Variants in VGLL4 observed in about 807,000 individuals in gnomAD.
VGLL4 encodes the protein vestigial like family member 4, also known as transcription cofactor vestigial-like protein 4.
In VGLL4, 7 loss-of-function variants were observed where a neutral mutation model predicts 21.0. That is an observed-to-expected ratio of 0.33 (90% CI 0.19 to 0.63). The LOEUF (loss-of-function observed/expected upper bound fraction) is 0.63, where lower values mean the gene tolerates loss of function less well. Ranked by LOEUF, VGLL4 falls within the 20% of genes least tolerant of loss-of-function variation. The pLI is 0.78. For synonymous variants in VGLL4, 222 were observed against 173.2 expected (o/e 1.28, Z -2.21); for missense variants, 394 against 425.7 (o/e 0.93, Z 0.66).
chr3:11,638,464 G>A (rs981745219), intron 1 of VGLL4, among the ~76,000 whole-genome samples: 18 of 151,992 alleles, frequency 1.2e-4, no homozygotes, highest in Admixed American at 9.8e-4. Flanking sequence ...CAGCTCTCTC[G>A]CAGAGCTCCT....
intron 1 of VGLL4, among the ~76,000 whole-genome samples, chr3:11,625,311 G>A (rs1293789782): frequency 2.0e-5 from 3 of 152,188 alleles, no homozygotes; most frequent in African/African-American, 7.2e-5. Context: ...GCTAGCATTT[G>A]GCATCTCATT....
chr3:11,664,679 A>G (rs1278587616), intron 2 of VGLL4, among the ~76,000 whole-genome samples: 1 of 152,136 alleles, frequency 6.6e-6, no homozygotes, highest in African/African-American at 2.4e-5. Flanking sequence ...ATCTAATAAC[A>G]CCATTTACAT....
intron 1 of VGLL4, among the ~76,000 whole-genome samples, chr3:11,617,005 T>C (rs188367423): frequency 1.1e-3 from 163 of 152,304 alleles, no homozygotes; most frequent in Admixed American, 3.9e-3. Context: ...CTGACATTTA[T>C]CATAGTAGGA....
chr3:11,631,307 AT>A (rs1006125621), intron 1 of VGLL4, among the ~76,000 whole-genome samples: 28 of 152,310 alleles, frequency 1.8e-4, no homozygotes, highest in Admixed American at 1.7e-3. Context: ...ACTATTAACA[AT>A]AAATACAGAA....
chr3:11,613,019 G>A (rs1251579820), intron 1 of VGLL4, among the ~76,000 whole-genome samples: 4 of 151,866 alleles, frequency 2.6e-5, no homozygotes, highest in African/African-American at 7.3e-5. Context: ...TTCCTCCCTG[G>A]TAGAGCTTAT....
rs77673744 is a variant in VGLL4 at position 11,666,368 on chromosome 3, G to A, written c.64+36603C>T. ...TGGAAGAGCCACAGTTCTTATCTCT[G>A]CATGAGATGGGAAGCTCCTGGAGGG... is the stretch of plus-strand genomic sequence containing the variant. On this transcript the variant is annotated intron_variant, in intron 2 of 5. Coordinates refer to the VGLL4 transcript ENST00000273038. Among the ~76,000 whole-genome samples, 881 of 152,236 alleles carry A rather than the reference G, an allele frequency of 5.8e-3. 9 individuals are homozygous for A. Among genetic ancestry groups the A allele is most frequent in the African/African-American group, 0.02 (839 of 41,546 alleles).
rs917173653 is a variant in VGLL4, at chr3:11,626,619, A to T, written c.82+16818T>A. 7 of 281,104 alleles carry T rather than the reference A, an allele frequency of 2.5e-5. 1 individual carries two copies. The South Asian group carries it at 2.5e-4, about 10-fold the overall frequency. The allele number at this position is 281,104 out of a possible 1,614,324, so 17.4% of individuals were successfully genotyped here. On this transcript the variant is annotated intron_variant, in intron 1 of 4. Coordinates refer to ENST00000430365, the MANE Select transcript of VGLL4 (RefSeq NM_001128219.3). Reference sequence around the variant, plus strand: ...TGGTTATCCCACCTCTTCAATGAGAATGGGGCATTCATTCTACAGAAAGCC... The same window carrying T: ...TGGTTATCCCACCTCTTCAATGAGATTGGGGCATTCATTCTACAGAAAGCC...
chr3:11,718,863 G>A (rs1457316495), intron 1 of VGLL4, among the ~76,000 whole-genome samples: 1 of 152,100 alleles, frequency 6.6e-6, no homozygotes, highest in Non-Finnish European at 1.5e-5. Flanking sequence ...CAGCACCGAC[G>A]ATCAAAGTGA....
intron 1 of VGLL4, among the ~76,000 whole-genome samples, chr3:11,717,038 AAG>A (rs1220538316): frequency 2.6e-5 from 4 of 152,122 alleles, no homozygotes; most frequent in Non-Finnish European, 5.9e-5. Context: ...CACAAGCAAT[AAG>A]CAGACACATT....
rs370994547 is a variant in VGLL4 at position 11,703,993 on chromosome 3, C to T, written c.-13-946G>A. Reference sequence around the variant, plus strand: ...GCATGGTAGCTCACGCCTGTAATCCCAGCACTTTGGGAGGCCAAGGCGGGC... The same window carrying T: ...GCATGGTAGCTCACGCCTGTAATCCTAGCACTTTGGGAGGCCAAGGCGGGC... On this transcript the variant is annotated intron_variant, in intron 1 of 5. Coordinates refer to the VGLL4 transcript ENST00000273038. 3.5e-4 allele frequency among the ~76,000 whole-genome samples: 54 copies of T among 152,352 alleles called. No individual in the cohort carries two copies. In the East Asian group the frequency reaches 8.5e-3, roughly 24 times the overall value.
intron 1 of VGLL4, among the ~76,000 whole-genome samples, chr3:11,715,118 G>A (rs1027608404): frequency 5.4e-5 from 8 of 147,408 alleles, no homozygotes; most frequent in Non-Finnish European, 8.9e-5. Context: ...CTGGGTGACA[G>A]AGCGAGACTC....
intron 2 of VGLL4, chr3:11,569,033 G>A (rs548373877): frequency 6.9e-6 from 5 of 724,422 alleles, no homozygotes; most frequent in African/African-American, 1.9e-5. Flanking sequence ...AAAGCCACAC[G>A]CTCTCTAAGC....
intron 2 of VGLL4, among the ~76,000 whole-genome samples, chr3:11,676,499 A>G (rs1456356863): frequency 1.3e-5 from 2 of 151,648 alleles, no homozygotes; most frequent in Admixed American, 1.3e-4. Context: ...ATATAAAAGA[A>G]CATGGTGCTG....
At chr3:11,625,074 C>T (rs1200344740) in intron 1 of VGLL4, among the ~76,000 whole-genome samples, 3 of 152,222 alleles carry the variant, frequency 2.0e-5, no homozygotes, top group African/African-American at 4.8e-5. Context: ...AGAACTAAGG[C>T]AATGAACATG....
At chr3:11,635,666 T>G (rs1169914518) in intron 1 of VGLL4, among the ~76,000 whole-genome samples, 1 of 152,214 alleles carries the variant, frequency 6.6e-6, no homozygotes, top group Non-Finnish European at 1.5e-5. Flanking sequence ...GTATCAGCCC[T>G]CTTTTATTGG....
chr3:11,681,131 T>C (rs1367007758), intron 2 of VGLL4, among the ~76,000 whole-genome samples: 1 of 152,210 alleles, frequency 6.6e-6, no homozygotes, highest in Non-Finnish European at 1.5e-5. Flanking sequence ...GGAGTCTCGC[T>C]CTGCCGCCCA....
At chr3:11,681,997 C>T (rs2076378757) in intron 2 of VGLL4, among the ~76,000 whole-genome samples, 1 of 152,240 alleles carries the variant, frequency 6.6e-6, no homozygotes, top group South Asian at 2.1e-4. Context: ...CAGTGGCTCA[C>T]ACCTGTAATC....
At chr3:11,666,740 C>T (rs1333650675) in intron 2 of VGLL4, among the ~76,000 whole-genome samples, 1 of 152,148 alleles carries the variant, frequency 6.6e-6, no homozygotes, top group African/African-American at 2.4e-5. Context: ...TCTGTAAACA[C>T]CAAAAGGGCA....
In VGLL4 at chr3:11,685,200, G is replaced by GTT. The variant is rs34267340; in HGVS notation, c.64+17769_64+17770dup. On this transcript the variant is annotated intron_variant, in intron 2 of 5. Coordinates refer to the VGLL4 transcript ENST00000273038. The stretch of plus-strand genomic sequence containing the variant: ...TAGCTGCATAGTATTCCATGGTGTT[G>GTT]TTTTTTTTTTTTTTTTGAGATGGAG... 5.3e-3 allele frequency among the ~76,000 whole-genome samples: 700 copies of GTT among 132,404 alleles called. 34 individuals carry two copies. In the East Asian group the frequency reaches 0.12, roughly 23 times the overall value. 86.9% of individuals were successfully genotyped at this position (132,404 alleles called of 152,430 possible).
Sources: allele counts gnomAD v4.1 joint callset (sites outside exome capture counted in the v4.1 genomes callset), GRCh38; gene constraint gnomAD v4.1.1; transcripts MANE v1.5; gene names NCBI Gene and HGNC (gene_info 2026-07-23, HGNC 2026-07-21).